Variants in NRG3 observed in about 807,000 individuals in gnomAD.
NRG3 encodes pro-neuregulin-3, membrane-bound isoform.
NRG3 carries 31 observed loss-of-function variants against 66.9 expected under a neutral mutation model. The ratio of observed to expected loss-of-function variants is 0.46; its 90% CI spans 0.35 to 0.63. The LOEUF (loss-of-function observed/expected upper bound fraction) is 0.63, where lower values mean the gene tolerates loss of function less well. NRG3 is among the 20% of genes least tolerant of loss of function. NRG3 has a pLI of 0.00. For missense variants in NRG3, 910 were observed against 878.9 expected (o/e 1.04, Z -0.45); for synonymous variants, 393 against 359.4 (o/e 1.09, Z -1.06).
At chr10:82,961,499 A>G (rs371551815) in intron 6 of NRG3, among the ~76,000 whole-genome samples, 14 of 152,242 alleles carry the variant, frequency 9.2e-5, no homozygotes, top group East Asian at 5.8e-4. Context: ...TCAGACAGCT[A>G]GTAAGTAGCT....
intron 1 of NRG3, among the ~76,000 whole-genome samples, chr10:81,972,366 A>G (rs7914963): frequency 0.069 from 10,433 of 152,244 alleles, 853 homozygotes; most frequent in East Asian, 0.19. Flanking sequence ...AACATGCATC[A>G]AGAAAAATCC....
At chr10:82,635,926 TCA>T in intron 2 of NRG3, among the ~76,000 whole-genome samples, 1 of 152,146 alleles carries the variant, frequency 6.6e-6, no homozygotes, top group Middle Eastern at 3.4e-3. Flanking sequence ...GTGAGTGGTG[TCA>T]GAGTTGAAGT....
intron 2 of NRG3, among the ~76,000 whole-genome samples, chr10:82,581,999 T>C (rs1032085661): frequency 1.3e-5 from 2 of 152,096 alleles, no homozygotes; most frequent in East Asian, 1.9e-4. Context: ...TTGATATTTA[T>C]AGTATCGAAT....
intron 1 of NRG3, among the ~76,000 whole-genome samples, chr10:82,290,234 G>T (rs1248313040): frequency 6.6e-6 from 1 of 152,168 alleles, no homozygotes; most frequent in Non-Finnish European, 1.5e-5. Context: ...TCAGCCTGAA[G>T]CCTCACTGTT....
intron 2 of NRG3, among the ~76,000 whole-genome samples, chr10:82,636,223 ATG>A (rs373906092): frequency 0.32 from 16,504 of 51,162 alleles, 1,064 homozygotes; most frequent in Middle Eastern, 0.4. Context: ...CTATCTACAT[ATG>A]TGTGTGTGTG....
At chr10:81,910,665 A>G (rs989390787) in intron 1 of NRG3, among the ~76,000 whole-genome samples, 2 of 152,058 alleles carry the variant, frequency 1.3e-5, no homozygotes, top group Non-Finnish European at 2.9e-5. Context: ...TTCATTTTCT[A>G]GAGATAGTGT....
At chr10:82,848,102 A>G (rs1223389603) in intron 3 of NRG3, among the ~76,000 whole-genome samples, 1 of 152,228 alleles carries the variant, frequency 6.6e-6, no homozygotes, top group Non-Finnish European at 1.5e-5. Flanking sequence ...CTGCACTTCA[A>G]TATGATGAAT....
rs192390302 is a variant in NRG3, at chr10:82,088,783, A to G, written c.823+212620A>G. On this transcript the variant is annotated intron_variant, in intron 1 of 8. Transcript: ENST00000372141. ...GACTTTTCCCCAATACAGTTATTCA[A>G]TTTCTATATATGCTACCCTGACAGG... is the stretch of plus-strand genomic sequence containing the variant. Among the ~76,000 whole-genome samples the G allele has an allele frequency of 3.1e-4, 47 of 152,196 alleles. No individual in the cohort carries two copies. In the East Asian group the frequency reaches 5.8e-3, roughly 19 times the overall value.
chr10:82,151,455 G>A (rs989910706), intron 1 of NRG3, among the ~76,000 whole-genome samples: 1 of 152,112 alleles, frequency 6.6e-6, no homozygotes, highest in Non-Finnish European at 1.5e-5. Context: ...TGGGAGATGA[G>A]GATCAGGACT....
At chr10:82,581,698 A>G (rs1212383054) in intron 2 of NRG3, among the ~76,000 whole-genome samples, 1 of 152,052 alleles carries the variant, frequency 6.6e-6, no homozygotes, top group Non-Finnish European at 1.5e-5. Context: ...CAATAGTACA[A>G]CATTTTAAAG....
intron 2 of NRG3, among the ~76,000 whole-genome samples, chr10:82,609,749 T>G (rs558623365): frequency 6.6e-6 from 1 of 152,328 alleles, no homozygotes; most frequent in South Asian, 2.1e-4. Context: ...CAATTATTCT[T>G]TATTCCTCAT....
intron 2 of NRG3, among the ~76,000 whole-genome samples, chr10:82,569,602 G>C (rs2045609321): frequency 6.6e-6 from 1 of 151,616 alleles, no homozygotes; most frequent in African/African-American, 2.4e-5. Flanking sequence ...TTTCTCCACG[G>C]AATGCTTCTT....
intron 2 of NRG3, among the ~76,000 whole-genome samples, chr10:82,641,198 C>T (rs1300845266): frequency 6.6e-6 from 1 of 152,046 alleles, no homozygotes; most frequent in Non-Finnish European, 1.5e-5. Flanking sequence ...AATACAGATA[C>T]ATATAAATAT....
At chr10:82,406,386 TA>T (rs1370367023) in intron 2 of NRG3, among the ~76,000 whole-genome samples, 1 of 152,166 alleles carries the variant, frequency 6.6e-6, no homozygotes, top group Admixed American at 6.5e-5. Flanking sequence ...CACTTTCAGG[TA>T]GGCCATTAGA....
intron 2 of NRG3, among the ~76,000 whole-genome samples, chr10:82,663,215 A>G (rs2052503878): frequency 1.3e-5 from 2 of 152,306 alleles, no homozygotes; most frequent in South Asian, 4.1e-4. Flanking sequence ...ATGGCAACTG[A>G]CAGTTTTCCC....
intron 2 of NRG3, among the ~76,000 whole-genome samples, chr10:82,426,409 T>C (rs1442471574): frequency 6.6e-6 from 1 of 151,948 alleles, no homozygotes; most frequent in Non-Finnish European, 1.5e-5. Flanking sequence ...CTCTATGTAT[T>C]CAAATGTGTC....
intron 2 of NRG3, among the ~76,000 whole-genome samples, chr10:82,475,345 A>C (rs1841675167): frequency 6.6e-6 from 1 of 152,096 alleles, no homozygotes; most frequent in African/African-American, 2.4e-5. Context: ...AACAAATTGG[A>C]TAATCTAGGG....
intron 3 of NRG3, among the ~76,000 whole-genome samples, chr10:82,825,699 A>G (rs1174452280): frequency 6.6e-6 from 1 of 152,218 alleles, no homozygotes; most frequent in Non-Finnish European, 1.5e-5. Context: ...TTCAAAACTT[A>G]TTATCGGATG....
At chr10:82,873,900 TCTG>T (rs1413083995) in intron 4 of NRG3, among the ~76,000 whole-genome samples, 1 of 152,020 alleles carries the variant, frequency 6.6e-6, no homozygotes, top group Non-Finnish European at 1.5e-5. Context: ...TTGAGCAAAT[TCTG>T]GTGTAATTTT....
Sources: allele counts gnomAD v4.1 joint callset (sites outside exome capture counted in the v4.1 genomes callset), GRCh38; gene constraint gnomAD v4.1.1; transcripts MANE v1.5; gene names NCBI Gene and HGNC (gene_info 2026-07-23, HGNC 2026-07-21).